The following GLI3 variants were observed in gnomAD, a reference collection of about 807,000 sequenced individuals.
GLI3 encodes transcription activator GLI3.
Under a neutral mutation model 100.8 loss-of-function variants are expected in GLI3, and 20 were observed. The observed-to-expected ratio is 0.20, with a 90% CI of 0.14 to 0.29. GLI3 has a LOEUF of 0.29. Ranked by LOEUF, GLI3 falls within the 10% of genes least tolerant of loss-of-function variation. The pLI is 1.00. For missense variants in GLI3, 2,040 were observed against 2,128.5 expected (o/e 0.96, Z 0.82); for synonymous variants, 938 against 860.5 (o/e 1.09, Z -1.58).
intron 1 of GLI3, among the ~76,000 whole-genome samples, chr7:42,250,927 A>G (rs373800061): frequency 6.6e-5 from 10 of 152,336 alleles, no homozygotes; most frequent in African/African-American, 2.4e-4. Context: ...ATTGCTACAG[A>G]AACAGGGGAC....
In GLI3 at chr7:42,069,209, T is replaced by TA. The variant is rs1784738424; in HGVS notation, c.473+7542dup. On this transcript the variant is annotated intron_variant, in intron 4 of 14. Coordinates refer to ENST00000395925, the MANE Select transcript of GLI3 (RefSeq NM_000168.6). ...TCAGACTCTGAATATACACTATAATTAGGGCCTGCTTTCTCTGCAACTGAG... is the reference window on the plus strand; with the variant it reads ...TCAGACTCTGAATATACACTATAATTAAGGGCCTGCTTTCTCTGCAACTGAG... Among the ~76,000 whole-genome samples the TA allele has an allele frequency of 3.3e-5, 5 of 152,306 alleles. No individual in the cohort carries two copies. In the South Asian group the frequency reaches 1.0e-3, roughly 32 times the overall value.
intron 4 of GLI3, among the ~76,000 whole-genome samples, chr7:42,059,019 C>G (rs1213376676): frequency 6.6e-6 from 1 of 151,432 alleles, no homozygotes; most frequent in African/African-American, 2.5e-5. Context: ...AGCTAAATGA[C>G]CACATCTCAT....
intron 10 of GLI3, among the ~76,000 whole-genome samples, chr7:42,021,361 A>G (rs1177846161): frequency 2.0e-5 from 3 of 152,182 alleles, no homozygotes; most frequent in Non-Finnish European, 1.5e-5. Context: ...GTGCGCATTC[A>G]TATTTTTTAA....
intron 3 of GLI3, among the ~76,000 whole-genome samples, chr7:42,122,293 C>A (rs1358142696): frequency 7.3e-6 from 1 of 137,428 alleles, no homozygotes; most frequent in African/African-American, 2.8e-5. Flanking sequence ...AAACCCTCAC[C>A]TCCTAATCAC....
intron 3 of GLI3, among the ~76,000 whole-genome samples, chr7:42,101,315 T>A (rs1371987952): frequency 6.6e-6 from 1 of 152,058 alleles, no homozygotes; most frequent in Non-Finnish European, 1.5e-5. Context: ...AAATAAAAAA[T>A]CCAGGACTGG....
upstream of GLI3, among the ~76,000 whole-genome samples, chr7:42,241,795 A>G (rs1788927777): frequency 1.3e-5 from 2 of 152,186 alleles, no homozygotes; most frequent in South Asian, 4.2e-4. Context: ...ATTTCTGCAA[A>G]TTTCAGAGCC....
At chr7:42,247,507 A>G (rs944964943) in intron 1 of GLI3, among the ~76,000 whole-genome samples, 4 of 152,234 alleles carry the variant, frequency 2.6e-5, no homozygotes, top group African/African-American at 9.6e-5. Context: ...ATCAAAGCCA[A>G]CAAAGTTACA....
At chr7:42,072,732 T>TA (rs1784807955) in intron 4 of GLI3, among the ~76,000 whole-genome samples, 1 of 152,300 alleles carries the variant, frequency 6.6e-6, no homozygotes, top group Admixed American at 6.5e-5. Context: ...AGGCAGGAAA[T>TA]ACAGAGACCA....
rs370384123 is a variant in GLI3 at position 42,216,486 on chromosome 7, G to T, written c.124+6644C>A. 5.0e-4 allele frequency among the ~76,000 whole-genome samples: 76 copies of T among 152,254 alleles called. 2 individuals carry two copies. In the South Asian group the frequency reaches 0.014, roughly 28 times the overall value. On this transcript the variant is annotated intron_variant, in intron 2 of 14. Coordinates refer to ENST00000395925, the MANE Select transcript of GLI3 (RefSeq NM_000168.6). ...AGAGTGAGCCCCCATGTGAATGATG[G>T]AAAGTTAATAACAGTGCATCAATAT...
At chr7:42,225,755 T>C (rs894910301) in intron 1 of GLI3, among the ~76,000 whole-genome samples, 5 of 152,224 alleles carry the variant, frequency 3.3e-5, no homozygotes, top group African/African-American at 1.2e-4. Context: ...TGAACTGCAC[T>C]CTAGAATCCT....
At chr7:42,023,111 G>C (rs529036613) in intron 10 of GLI3, among the ~76,000 whole-genome samples, 1 of 152,124 alleles carries the variant, frequency 6.6e-6, no homozygotes, top group Admixed American at 6.5e-5. Context: ...CATTGTTACC[G>C]GGTCTTGGAA....
At chr7:41,986,701 T>C (rs1216687052) in intron 10 of GLI3, among the ~76,000 whole-genome samples, 3 of 151,626 alleles carry the variant, frequency 2.0e-5, no homozygotes, top group Non-Finnish European at 4.4e-5. Flanking sequence ...GGGTATGGGG[T>C]TTCTTTGTAG....
intron 2 of GLI3, among the ~76,000 whole-genome samples, chr7:42,211,108 T>G (rs1399083820): frequency 1.3e-5 from 2 of 152,218 alleles, no homozygotes; most frequent in Non-Finnish European, 1.5e-5. Flanking sequence ...TATTCTAATT[T>G]TGTACGAAAC....
chr7:41,978,571 T>A, intron 11 of GLI3, 28 bp downstream of exon 11: 1 of 1,612,666 alleles, frequency 6.2e-7, no homozygotes, highest in Non-Finnish European at 8.5e-7. Flanking sequence ...AGGACCCAAG[T>A]GTGCCTGCCA....
intron 10 of GLI3, among the ~76,000 whole-genome samples, chr7:42,023,002 C>A (rs181556758): frequency 2.6e-5 from 4 of 152,246 alleles, no homozygotes; most frequent in Admixed American, 1.3e-4. Context: ...CTACCTAGCT[C>A]ATATAGAGTA....
At chr7:42,235,365 G>T (rs2128706975) in intron 1 of GLI3, among the ~76,000 whole-genome samples, 1 of 152,266 alleles carries the variant, frequency 6.6e-6, no homozygotes, top group East Asian at 1.9e-4. Context: ...TGTAGCATGG[G>T]GAGGATGAAT....
intron 10 of GLI3, among the ~76,000 whole-genome samples, chr7:41,999,444 C>T (rs1788224202): frequency 6.6e-6 from 1 of 152,182 alleles, no homozygotes; most frequent in South Asian, 2.1e-4. Context: ...GCTACTGGGG[C>T]TTCACTGGCC....
intron 2 of GLI3, among the ~76,000 whole-genome samples, chr7:42,200,909 G>T (rs79666578): frequency 0.013 from 1,981 of 152,278 alleles, 40 homozygotes; most frequent in Middle Eastern, 0.051. Flanking sequence ...AGAACAGAAT[G>T]CTGCCTAGTG....
chr7:42,206,990 C>T (rs1011024108), intron 2 of GLI3, among the ~76,000 whole-genome samples: 13 of 152,062 alleles, frequency 8.5e-5, no homozygotes, highest in African/African-American at 3.1e-4. Flanking sequence ...ACAAATGAAA[C>T]CACAACTGGA....
Sources: allele counts gnomAD v4.1 joint callset (sites outside exome capture counted in the v4.1 genomes callset), GRCh38; gene constraint gnomAD v4.1.1; transcripts MANE v1.5; gene names NCBI Gene and HGNC (gene_info 2026-07-23, HGNC 2026-07-21).